ECT2: variants seen among roughly 807,000 people sequenced by gnomAD.
ECT2 encodes the protein epithelial cell transforming 2, also known as protein ECT2.
In ECT2, 61 loss-of-function variants were observed where a neutral mutation model predicts 116.9. The observed-to-expected ratio is 0.52, with a 90% CI of 0.42 to 0.65. ECT2 has a LOEUF of 0.65. Among genes scored for constraint, ECT2 ranks in the 30% least tolerant of loss-of-function variants. The pLI is 0.00. For synonymous variants in ECT2, 358 were observed against 346.4 expected (o/e 1.03, Z -0.37); for missense variants, 937 against 1,078.7 (o/e 0.87, Z 1.84).
chr3:172,788,505 A>AATCTCTTTTTCTGGCCC (rs1724019257), intron 18 of ECT2, among the ~76,000 whole-genome samples: 1 of 152,144 alleles, frequency 6.6e-6, no homozygotes, highest in South Asian at 2.1e-4. Context: ...GCCCCTTGGT[A>AATCTCTTTTTCTGGCCC]ATCTCTTTTT....
At chr3:172,811,085 G>A (rs1398344244) in intron 22 of ECT2, among the ~76,000 whole-genome samples, 1 of 151,994 alleles carries the variant, frequency 6.6e-6, no homozygotes, top group African/African-American at 2.4e-5. Context: ...ATAAAAATGA[G>A]TTTTGGCTAA....
chr3:172,760,083 T>C (rs1717920399), intron 6 of ECT2, 73 bp from the exon 7 acceptor site: 3 of 857,286 alleles, frequency 3.5e-6, no homozygotes, highest in Admixed American at 5.3e-5. Context: ...AAATGCTAAA[T>C]GTGGGGTAAA....
At chr3:172,826,577 C>T in the ECT2 span, among the ~76,000 whole-genome samples, 1 of 152,090 alleles carries the variant, frequency 6.6e-6, no homozygotes, top group Non-Finnish European at 1.5e-5. Flanking sequence ...GAGGACTGAC[C>T]CCAACTTTGA....
intron 14 of ECT2, among the ~76,000 whole-genome samples, chr3:172,781,369 A>T (rs1192427383): frequency 1.3e-5 from 2 of 152,206 alleles, no homozygotes; most frequent in Admixed American, 1.3e-4. Flanking sequence ...ATGAGTGAAA[A>T]AGTCAAATAA....
chr3:172,825,038 A>G (rs963227878), downstream of ECT2, among the ~76,000 whole-genome samples: 20 of 152,220 alleles, frequency 1.3e-4, no homozygotes, highest in African/African-American at 4.1e-4. Flanking sequence ...GAGCAAGTCT[A>G]TTAGCACAGT....
intron 5 of ECT2, among the ~76,000 whole-genome samples, chr3:172,758,295 C>T (rs894251178): frequency 2.6e-5 from 4 of 152,116 alleles, no homozygotes; most frequent in African/African-American, 9.7e-5. Context: ...TCTATTGTTA[C>T]ACATGTTAGT....
At chr3:172,805,437 T>C (rs1727505697) in intron 20 of ECT2, among the ~76,000 whole-genome samples, 2 of 152,178 alleles carry the variant, frequency 1.3e-5, no homozygotes, top group Non-Finnish European at 2.9e-5. Context: ...TCCTTGATCC[T>C]GTCGCTTCTC....
At chr3:172,762,275 G>T (rs1718454203) in intron 8 of ECT2, 141 bp from the exon 9 acceptor site, 1 of 856,054 alleles carries the variant, frequency 1.2e-6, no homozygotes, top group Admixed American at 3.6e-5. Context: ...GTTTTTGTGA[G>T]CATTTCAGGA....
intron 18 of ECT2, among the ~76,000 whole-genome samples, chr3:172,796,826 C>T (rs917934322): frequency 6.6e-6 from 1 of 151,990 alleles, no homozygotes; most frequent in African/African-American, 2.4e-5. Flanking sequence ...GCCACCACGC[C>T]CTGCTAATTT....
chr3:172,776,377 CAA>C lies in ECT2; in HGVS notation c.1548+2356_1548+2357del, dbSNP rs199990198. On this transcript the variant is annotated intron_variant, in intron 14 of 24. Coordinates refer to ENST00000392692, the MANE Select transcript of ECT2 (RefSeq NM_001258315.2). The stretch of plus-strand genomic sequence containing the variant: ...CGTGCCGTGAAACATTTGTAAAACT[CAA>C]GAGAAAAGGAAAAAGGGAGAGAAAT... Among the ~76,000 whole-genome samples, 663 of 151,916 alleles carry C rather than the reference CAA, an allele frequency of 4.4e-3. 19 individuals are homozygous for C. The highest frequency in any genetic ancestry group is 0.037 in the Admixed American group (557 of 15,260).
At position 172,794,449 on chromosome 3, in the gene ECT2, T is replaced by C. The variant is rs547071667; in HGVS notation, c.1907+7875T>C. Among the ~76,000 whole-genome samples the C allele has an allele frequency of 1.3e-4, 19 of 151,840 alleles. No homozygotes were observed. The East Asian group carries it at 3.6e-3, about 29-fold the overall frequency. ...TTTCTTTACTTTCAATTCTGCTTCATTGATCTGTATGTCTGTGCTTATGCC... is the reference window on the plus strand; with the variant it reads ...TTTCTTTACTTTCAATTCTGCTTCACTGATCTGTATGTCTGTGCTTATGCC... On this transcript the variant is annotated intron_variant, in intron 18 of 24. Transcript: ENST00000392692.
At position 172,769,027 on chromosome 3, in the gene ECT2, A is replaced by G. The variant is rs1720094692; in HGVS notation, c.1312A>G (p.Lys438Glu). ...NYGDTPKSCT[K>E]SSKSSTPVPS... ...TTCAGACACCCCAAAGTCTTGTACT[A>G]AGTCTTCTAAAAGCTCCACTCCAGT... The change falls in exon 13 of 25, where the codon AAG becomes GAG. Residue 438 changes from lysine to glutamate, a missense_variant. Lys to Glu is a moderately conservative substitution (Grantham distance 56, BLOSUM62 1). Coordinates refer to ENST00000392692, the MANE Select transcript of ECT2 (RefSeq NM_001258315.2). 3.1e-6 allele frequency: 5 copies of G among 1,612,738 alleles called. No homozygotes were observed. The South Asian group carries it at 5.5e-5, about 18-fold the overall frequency.
At chr3:172,779,911 A>C (rs1011423359) in intron 14 of ECT2, among the ~76,000 whole-genome samples, 3 of 151,694 alleles carry the variant, frequency 2.0e-5, no homozygotes, top group Non-Finnish European at 4.4e-5. Context: ...AAAAAAAAAG[A>C]AAGAAAATAT....
chr3:172,788,800 C>G (rs188811112), intron 18 of ECT2, among the ~76,000 whole-genome samples: 21 of 152,334 alleles, frequency 1.4e-4, no homozygotes, highest in Non-Finnish European at 2.5e-4. Flanking sequence ...TGGCTCACGC[C>G]TGTAATCCCA....
rs150091463 is a variant in ECT2 at position 172,753,689 on chromosome 3, A to G, written c.-22-820A>G. 2.0e-5 allele frequency among the ~76,000 whole-genome samples: 3 copies of G among 152,346 alleles called. No individual in the cohort carries two copies. In the East Asian group the frequency reaches 5.8e-4, roughly 29 times the overall value. ...AGATAGGTGGAGAGTCGAGCACTAA[A>G]TGCAAATAGATGTGATGTAAATTAT... On this transcript the variant is annotated intron_variant, in intron 1 of 24. Transcript: ENST00000392692.
intron 12 of ECT2, among the ~76,000 whole-genome samples, chr3:172,764,725 G>C (rs1475113450): frequency 6.6e-6 from 1 of 152,168 alleles, no homozygotes; most frequent in Non-Finnish European, 1.5e-5. Context: ...GTTTATAATA[G>C]ATTTTATTAT....
downstream of ECT2, among the ~76,000 whole-genome samples, chr3:172,822,689 TACTG>T (rs749339188): frequency 1.3e-5 from 2 of 151,964 alleles, no homozygotes; most frequent in Non-Finnish European, 1.5e-5. Context: ...AAAGAACTCA[TACTG>T]AATAATAGAC....
chr3:172,756,802 G>A (rs991014977), intron 4 of ECT2, among the ~76,000 whole-genome samples, 181 bp from the exon 5 acceptor site: 14 of 152,084 alleles, frequency 9.2e-5, no homozygotes, highest in African/African-American at 2.4e-4. Flanking sequence ...ATGTAAGTAC[G>A]TAAAGAAATA....
At chr3:172,780,628 G>A (rs751766587) in intron 14 of ECT2, among the ~76,000 whole-genome samples, 42 of 152,146 alleles carry the variant, frequency 2.8e-4, no homozygotes, top group Non-Finnish European at 5.7e-4. Flanking sequence ...GTCCTCCCAC[G>A]TCAGCCTCCT....
Sources: allele counts gnomAD v4.1 joint callset (sites outside exome capture counted in the v4.1 genomes callset), GRCh38; gene constraint gnomAD v4.1.1; transcripts MANE v1.5; gene names NCBI Gene and HGNC (gene_info 2026-07-23, HGNC 2026-07-21).